Variants in CFAP46 observed in about 807,000 individuals in gnomAD.
CFAP46 encodes the protein cilia- and flagella-associated protein 46.
Under a neutral mutation model 325.7 loss-of-function variants are expected in CFAP46, and 245 were observed. The ratio of observed to expected loss-of-function variants is 0.75; its 90% confidence interval spans 0.68 to 0.84. The LOEUF (loss-of-function observed/expected upper bound fraction) is 0.84. CFAP46 is among the 40% of genes least tolerant of loss of function. The pLI is 0.00. For missense variants in CFAP46, 3,346 were observed against 3,543.0 expected (o/e 0.94, Z 1.41); for synonymous variants, 1,523 against 1,495.9 (o/e 1.02, Z -0.42).
intron 33 of CFAP46, 110 bp from the exon 34 acceptor site, chr10:132,867,617 G>A (rs1184518150): frequency 1.5e-5 from 20 of 1,344,624 alleles, no homozygotes; most frequent in African/African-American, 7.4e-5. Context: ...CATTCTTCAC[G>A]CGCGTGTTTA....
chr10:132,936,992 A>T lies in CFAP46; in HGVS notation c.724T>A (p.Ser242Thr). The change falls in exon 7 of 58, where the codon TCA becomes ACA. Residue 242 changes from serine (S) to threonine (T), a missense_variant. Physicochemically the swap from Ser to Thr is moderately conservative, Grantham distance 58 (BLOSUM62 1). Transcript: ENST00000368586. ...KEEKKNSISL[S>T]VTFYINMLKA... is the part of the protein sequence containing the mutation. ...AGCATATTAATATAGAAAGTGACTG[A>T]CAGGCTAATGGAATTTTTCTTTTCT... The T allele has an allele frequency of 6.5e-7, 1 of 1,546,998 alleles. No homozygotes were observed. Among genetic ancestry groups the T allele is most frequent in the Non-Finnish European group, 8.8e-7 (1 of 1,137,390 alleles).
In CFAP46 at chr10:132,889,030, C is replaced by T. The variant is rs1255736220; in HGVS notation, c.3305-3071G>A. ...GACTACGCAGCCCCTCACGCCCTTT[C>T]TCTTTTCAGAAGTCTGGTGCTTTTC... is the stretch of plus-strand genomic sequence containing the variant. On this transcript the variant is annotated intron_variant, in intron 25 of 57. Transcript: ENST00000368586. The surrounding 1 kb of genome is among the most constrained non-coding windows in gnomAD (Gnocchi z 6.0). Among the ~76,000 whole-genome samples the T allele has an allele frequency of 6.6e-6, 1 of 152,236 alleles. No individual in the cohort carries two copies. Among genetic ancestry groups the T allele is most frequent in the East Asian group, 1.9e-4 (1 of 5,186 alleles).
intron 50 of CFAP46, among the ~76,000 whole-genome samples, chr10:132,830,074 T>C (rs1848124474): frequency 6.6e-6 from 1 of 152,134 alleles, no homozygotes; most frequent in South Asian, 2.1e-4. Context: ...GAGTCTCCTC[T>C]TTTAATTGCT....
At chr10:132,858,188 C>A (rs1848670384) in intron 38 of CFAP46, among the ~76,000 whole-genome samples, 1 of 152,194 alleles carries the variant, frequency 6.6e-6, no homozygotes, top group Admixed American at 6.5e-5. Flanking sequence ...CCGCACTGGG[C>A]CCGCCGTGTC....
chr10:132,915,694 G>A (rs904688872), intron 17 of CFAP46, among the ~76,000 whole-genome samples: 22 of 152,248 alleles, frequency 1.4e-4, no homozygotes, highest in African/African-American at 2.9e-4. Flanking sequence ...AGCTTACCAC[G>A]TTCGTGTGCT....
chr10:132,854,315 A>G (rs1488879775), intron 39 of CFAP46, among the ~76,000 whole-genome samples: 1 of 140,756 alleles, frequency 7.1e-6, no homozygotes, highest in Non-Finnish European at 1.6e-5. Context: ...GTGCATACAT[A>G]GCTTTCTGTG....
chr10:132,836,234 G>C lies in CFAP46; in HGVS notation c.6537-16C>G, dbSNP rs775044267. On this transcript the variant is annotated splice_polypyrimidine_tract_variant and intron_variant, in intron 45 of 57. Coordinates refer to ENST00000368586, the MANE Select transcript of CFAP46 (RefSeq NM_001200049.3). Reference sequence around the variant, plus strand: ...CAGACGGGACCTGCTGGCAGGACGTGGGCCAGGGTCGCAGGCAAGCCATGA... The same window carrying C: ...CAGACGGGACCTGCTGGCAGGACGTCGGCCAGGGTCGCAGGCAAGCCATGA... 3.1e-6 allele frequency: 5 copies of C among 1,610,522 alleles called. No individual in the cohort carries two copies. In the South Asian group the frequency reaches 5.5e-5, roughly 18 times the overall value.
In CFAP46 at chr10:132,919,459, C is replaced by A. The variant is rs758529601; in HGVS notation, c.1731-17G>T. 18 of 1,542,768 alleles carry A rather than the reference C, an allele frequency of 1.2e-5. No individual in the cohort carries two copies. The highest frequency in any genetic ancestry group is 1.6e-5 in the Non-Finnish European group (18 of 1,144,276). On this transcript the variant is annotated splice_polypyrimidine_tract_variant and intron_variant, in intron 14 of 57. Coordinates refer to ENST00000368586, the MANE Select transcript of CFAP46 (RefSeq NM_001200049.3). This position sits in a 1 kb window ranked among gnomAD's most constrained non-coding sequence, Gnocchi z 9.7. The stretch of plus-strand genomic sequence containing the variant: ...ATCTGTATCCTGCTCACCGAGAACC[C>A]AAACGAGTGAAAGGTGAGTAGACAA...
Position 132,859,147 on chromosome 10 carries a change from T to C in CFAP46, c.5299A>G (p.Ile1767Val). The C allele has an allele frequency of 1.3e-6, 2 of 1,550,882 alleles. No homozygotes were observed. The highest frequency in any genetic ancestry group is 1.7e-6 in the Non-Finnish European group (2 of 1,147,028). ...CCACAGTCGATAAACTTTCTCTCAA[T>C]TTCCAACAGGCCATCATCCATCTCT... ...LKEMDDGLLE[I>V]ERKFIDCGCK... The change falls in exon 38 of 58, where the codon ATT becomes GTT. Residue 1767 changes from isoleucine to valine, a missense_variant. By Grantham distance (29) the Ile-to-Val change is conservative (BLOSUM62 3). Coordinates refer to ENST00000368586, the MANE Select transcript of CFAP46 (RefSeq NM_001200049.3).
intron 50 of CFAP46, among the ~76,000 whole-genome samples, chr10:132,821,248 GTGC>G (rs1451979231): frequency 7.1e-6 from 1 of 140,982 alleles, no homozygotes. Context: ...TGCTGTGTGT[GTGC>G]TGTGTGAGCG....
At chr10:132,823,720 CTGTGTGCTGA>C (rs1244937128) in intron 50 of CFAP46, among the ~76,000 whole-genome samples, 5 of 110,878 alleles carry the variant, frequency 4.5e-5, no homozygotes, top group South Asian at 3.4e-4. Context: ...CTGACGTGTG[CTGTGTGCTGA>C]TGTGTGCTGT....
chr10:132,942,252 G>A, intron 1 of CFAP46, 148 bp from the exon 2 acceptor site: 3 of 1,216,614 alleles, frequency 2.5e-6, no homozygotes, highest in Non-Finnish European at 3.4e-6. Flanking sequence ...GAGCAGCGGT[G>A]TGGGCGCCTT....
chr10:132,836,245 G>A (rs773945552), intron 45 of CFAP46, 27 bp from the exon 46 acceptor site: 18 of 1,606,362 alleles, frequency 1.1e-5, no homozygotes, highest in African/African-American at 1.1e-4. Flanking sequence ...GGCCAGGGTC[G>A]CAGGCAAGCC....
intron 24 of CFAP46, among the ~76,000 whole-genome samples, chr10:132,895,753 ACT>A (rs760724347): frequency 6.6e-6 from 1 of 152,122 alleles, no homozygotes; most frequent in South Asian, 2.1e-4. Context: ...ATATCCTGAG[ACT>A]CTAACCCTCA....
In CFAP46 at chr10:132,808,520, A is replaced by G. The variant is rs781694020; in HGVS notation, c.8049T>C (p.Ser2683=). 6.2e-7 allele frequency: 1 copy of G among 1,613,156 alleles called. No individual in the cohort carries two copies. Among genetic ancestry groups the G allele is most frequent in the East Asian group, 2.2e-5 (1 of 44,886 alleles). The change falls in exon 58 of 58, where the codon TCT becomes TCC. Residue 2683 remains serine (S), a synonymous_variant. Coordinates refer to ENST00000368586, the MANE Select transcript of CFAP46 (RefSeq NM_001200049.3). The surrounding 1 kb of genome is among the most constrained non-coding windows in gnomAD (Gnocchi z 6.8). ...GGCCGCCCTTGTCCTGGCCCCGGGA[A>G]GAGACGCAGCTCCAGCCCCGACGCA... The part of the protein sequence containing the change: ...WGLRRGWSCV[S]SRGQDKGGLP...
chr10:132,908,645 G>T lies in CFAP46; in HGVS notation c.2758-11C>A, dbSNP rs142382704. ...AGCCATTTTCACCAACTTCCGGTGG[G>T]TGGCAAGAGAAGGGGCACCGTGTTA... On this transcript the variant is annotated splice_polypyrimidine_tract_variant and intron_variant, in intron 21 of 57. Coordinates refer to ENST00000368586, the MANE Select transcript of CFAP46 (RefSeq NM_001200049.3). 1.8e-3 allele frequency: 2,809 copies of T among 1,526,720 alleles called. 48 individuals carry two copies. In the African/African-American group the frequency reaches 0.032, roughly 17 times the overall value. 94.6% of individuals were successfully genotyped at this position (1,526,720 alleles called of 1,614,324 possible).
chr10:132,906,172 A>G (rs1486387056), intron 22 of CFAP46, among the ~76,000 whole-genome samples: 1 of 152,230 alleles, frequency 6.6e-6, no homozygotes, highest in East Asian at 1.9e-4. Context: ...CTCTCCCTCT[A>G]GCCCCCCTTG....
chr10:132,822,983 T>C (rs1847911896), intron 50 of CFAP46, among the ~76,000 whole-genome samples: 2 of 136,110 alleles, frequency 1.5e-5, no homozygotes, highest in African/African-American at 5.8e-5. Flanking sequence ...TGTGCAGTGA[T>C]GTGTGCTGTG....
At chr10:132,921,780 G>A (rs1341513940) in intron 13 of CFAP46, among the ~76,000 whole-genome samples, 1 of 152,230 alleles carries the variant, frequency 6.6e-6, no homozygotes, top group East Asian at 1.9e-4. Flanking sequence ...CCAAGGAAGA[G>A]CACTCAGGGG....
Sources: gnomAD v4.1 joint callset for allele counts (sites outside exome capture counted in the v4.1 genomes callset) on GRCh38, gnomAD v4.1.1 for gene constraint, Gnocchi (gnomAD v3.1) non-coding constraint, MANE v1.5 for transcripts, NCBI Gene and HGNC (gene_info 2026-07-23, HGNC 2026-07-21) for gene names.